Variants in CCDC33 observed in about 807,000 individuals in gnomAD.
The protein encoded by CCDC33 is coiled-coil domain-containing protein 33.
Under a neutral mutation model 91.9 loss-of-function variants are expected in CCDC33, and 94 were observed. The ratio of observed to expected loss-of-function variants is 1.02; its 90% confidence interval spans 0.87 to 1.21. The LOEUF (loss-of-function observed/expected upper bound fraction) is 1.21, where lower values mean the gene tolerates loss of function less well. Among genes scored for constraint, CCDC33 ranks in the 50% most tolerant of loss-of-function variants. The probability of loss-of-function intolerance (pLI) is 0.00; values close to 1 mark genes in which losing one functional copy is unlikely to be tolerated. For synonymous variants in CCDC33, 396 were observed against 374.5 expected, an observed-to-expected ratio of 1.06 and a Z score of -0.66; for missense variants, 940 against 935.5, an observed-to-expected ratio of 1.00 and a Z score of -0.06.
chr15:74,208,812 G>A (rs891896974), intron 1 of CCDC33: 33 of 988,636 alleles, frequency 3.3e-5, no homozygotes, highest in Admixed American at 2.5e-4. Flanking sequence ...CCAATCAAGC[G>A]CTCTCCTGAC....
intron 3 of CCDC33, 98 bp from the exon 4 acceptor site, chr15:74,266,580 A>T: frequency 1.2e-6 from 1 of 839,360 alleles, no homozygotes; most frequent in Non-Finnish European, 2.0e-6. Flanking sequence ...CCTGCTCCCT[A>T]CTCTCAACAA....
intron 2 of CCDC33, among the ~76,000 whole-genome samples, chr15:74,225,158 C>T (rs1215449240): frequency 9.4e-6 from 1 of 106,674 alleles, no homozygotes; most frequent in African/African-American, 4.2e-5. Flanking sequence ...GTGTGTGTGA[C>T]AGAGAATGAT....
chr15:74,290,215 T>C (rs2059561386), intron 10 of CCDC33, among the ~76,000 whole-genome samples: 1 of 151,642 alleles, frequency 6.6e-6, no homozygotes, highest in South Asian at 2.1e-4. Context: ...TCCTGACCTG[T>C]TGCCCAGGCT....
intron 1 of CCDC33, among the ~76,000 whole-genome samples, chr15:74,238,424 A>G (rs1239716598): frequency 6.6e-6 from 1 of 151,876 alleles, no homozygotes; most frequent in Non-Finnish European, 1.5e-5. Flanking sequence ...AAAAAAAAAA[A>G]AAGGATGCTC....
intron 16 of CCDC33, 62 bp downstream of exon 16, chr15:74,332,907 G>A: frequency 6.4e-7 from 1 of 1,563,080 alleles, no homozygotes; most frequent in South Asian, 1.2e-5. Context: ...AATCACCCAT[G>A]GTACAACCCA....
chr15:74,207,617 T>C, intron 1 of CCDC33: 1 of 1,344,926 alleles, frequency 7.4e-7, no homozygotes, highest in Non-Finnish European at 1.0e-6. Flanking sequence ...AAACCTCAGG[T>C]ACACCCCCAA....
intron 11 of CCDC33, among the ~76,000 whole-genome samples, chr15:74,307,582 C>T (rs1276379254): frequency 1.3e-5 from 2 of 152,084 alleles, no homozygotes; most frequent in East Asian, 1.9e-4. Context: ...GTGAGCTTAA[C>T]TCACCATCTT....
chr15:74,218,764 A>G lies in CCDC33; in HGVS notation c.578A>G (p.His193Arg), dbSNP rs1372076381. The G allele has an allele frequency of 2.3e-6, 3 of 1,289,364 alleles. No individual in the cohort carries two copies. Among genetic ancestry groups the G allele is most frequent in the Admixed American group, 4.6e-5 (2 of 43,536 alleles). 79.9% of individuals were successfully genotyped at this position (1,289,364 alleles called of 1,614,324 possible). A position where few individuals can be genotyped will look rare whatever the true frequency, so the allele number is the denominator to read the frequency against. The change falls in exon 2 of 3, where the codon CAC (histidine) becomes CGC (arginine). Residue 193 changes from histidine to arginine, a missense_variant. Physicochemically the swap from His to Arg is conservative, Grantham distance 29. Coordinates refer to the CCDC33 transcript ENST00000635913. This position sits in a 1 kb window ranked among gnomAD's most constrained non-coding sequence, Gnocchi z 4.8. ...GCCTACAGTGTGGCCTTCCACGTCC[A>G]CCGGGGCCCTCAGCCTCCAGTCTCA...
chr15:74,248,300 G>A (rs1269538788), intron 2 of CCDC33, among the ~76,000 whole-genome samples: 12 of 150,326 alleles, frequency 8.0e-5, no homozygotes, highest in Admixed American at 2.0e-4. Context: ...ATAAAACAGC[G>A]AAAATATGTA....
At chr15:74,308,471 C>G (rs1010522422) in intron 11 of CCDC33, among the ~76,000 whole-genome samples, 3 of 152,054 alleles carry the variant, frequency 2.0e-5, no homozygotes, top group Non-Finnish European at 4.4e-5. Context: ...AATGCTCATT[C>G]ATCGGCTCCT....
intron 2 of CCDC33, among the ~76,000 whole-genome samples, chr15:74,227,395 C>T (rs886466859): frequency 3.3e-5 from 5 of 152,190 alleles, no homozygotes; most frequent in East Asian, 3.8e-4. Flanking sequence ...TTTCTGGGCA[C>T]GTGAAAGGAT....
chr15:74,247,547 A>G (rs550633845), intron 2 of CCDC33, among the ~76,000 whole-genome samples: 1 of 152,342 alleles, frequency 6.6e-6, no homozygotes, highest in South Asian at 2.1e-4. Context: ...GCGATAATGC[A>G]GATGAGCCTG....
At chr15:74,217,086 G>A (rs188727266), upstream of CCDC33, 9 of 288,516 alleles carry the variant, frequency 3.1e-5, no homozygotes, top group Admixed American at 4.9e-5. Context: ...GGAAGGGATC[G>A]ATGGAAAAAA....
At chr15:74,290,528 T>G (rs1378012126) in intron 10 of CCDC33, among the ~76,000 whole-genome samples, 1 of 152,172 alleles carries the variant, frequency 6.6e-6, no homozygotes, top group Non-Finnish European at 1.5e-5. Context: ...TGGTTGAGAT[T>G]GGTGCATTGA....
intron 11 of CCDC33, among the ~76,000 whole-genome samples, chr15:74,296,698 A>G (rs2059694651): frequency 6.6e-6 from 1 of 152,136 alleles, no homozygotes; most frequent in Admixed American, 6.5e-5. Context: ...TGATCATGGG[A>G]GCTGCTGTGT....
At chr15:74,214,366 A>G (rs2074394609), upstream of CCDC33, among the ~76,000 whole-genome samples, 1 of 151,634 alleles carries the variant, frequency 6.6e-6, no homozygotes, top group African/African-American at 2.4e-5. Context: ...CCCTCCACTC[A>G]CCCCAGCCCA....
At chr15:74,221,447 A>G in intron 2 of CCDC33, 1 of 394,036 alleles carries the variant, frequency 2.5e-6, no homozygotes, top group South Asian at 1.0e-4. Context: ...CCCCTGGGTT[A>G]CACAGCCTTA....
At position 74,330,247 on chromosome 15, in the gene CCDC33, G is replaced by A. The variant is rs762588978; in HGVS notation, c.1349G>A (p.Arg450Gln). 3.7e-5 allele frequency: 59 copies of A among 1,612,866 alleles called. No homozygotes were observed. The highest frequency in any genetic ancestry group is 4.4e-5 in the Non-Finnish European group (52 of 1,179,754). ...QKMAEDILSLRRQASILEGEN... is the reference protein window; with the variant it reads ...QKMAEDILSLQRQASILEGEN... ...ATGGCAGAGGACATCCTGTCTCTGC[G>A]GAGACAGGCCAGCATCCTGGAAGGA... Residue 450 changes from arginine (R) to glutamine (Q), a missense_variant, in exon 12 of 19, where the codon CGG becomes CAG. Transcript: ENST00000398814.
intron 11 of CCDC33, chr15:74,302,706 G>C (rs2059819333): frequency 6.6e-6 from 1 of 152,300 alleles, no homozygotes; most frequent in African/African-American, 2.4e-5. Flanking sequence ...CTGGATGGGG[G>C]CCACCCTACA....
Sources: allele counts gnomAD v4.1 joint callset (sites outside exome capture counted in the v4.1 genomes callset), GRCh38; gene constraint gnomAD v4.1.1; non-coding constraint Gnocchi (gnomAD v3.1); transcripts MANE v1.5; gene names NCBI Gene and HGNC (gene_info 2026-07-23, HGNC 2026-07-21).